The following DYNC1I1 variants were observed in gnomAD, a reference collection of about 807,000 sequenced individuals.
DYNC1I1 encodes the protein dynein cytoplasmic 1 intermediate chain 1.
A neutral mutation model predicts 86.6 loss-of-function variants in DYNC1I1; 43 were observed. The observed-to-expected ratio is 0.50, with a 90% CI of 0.39 to 0.64. The LOEUF is 0.64. Among genes scored for constraint, DYNC1I1 ranks in the 30% least tolerant of loss-of-function variants. The probability of loss-of-function intolerance (pLI) is 0.00; values close to 1 mark genes in which losing one functional copy is unlikely to be tolerated. For missense variants in DYNC1I1, 604 were observed against 788.8 expected, an observed-to-expected ratio of 0.77 and a Z score of 2.81; for synonymous variants, 262 against 283.7, an observed-to-expected ratio of 0.92 and a Z score of 0.77.
At chr7:95,910,368 T>C (rs1791300624) in intron 6 of DYNC1I1, among the ~76,000 whole-genome samples, 1 of 152,180 alleles carries the variant, frequency 6.6e-6, no homozygotes, top group South Asian at 2.1e-4. Flanking sequence ...ATTCAGGACT[T>C]CTGTGTCCAG....
downstream of DYNC1I1, among the ~76,000 whole-genome samples, chr7:96,102,361 C>T (rs1791148732): frequency 6.6e-6 from 1 of 152,034 alleles, no homozygotes. Context: ...TACCAGATGC[C>T]TTGGTAAGAT....
intron 14 of DYNC1I1, among the ~76,000 whole-genome samples, chr7:96,065,378 C>CTTTTTT (rs34423655): frequency 1.9e-4 from 24 of 127,574 alleles, no homozygotes; most frequent in African/African-American, 4.2e-4. Context: ...TTCTTTCTTT[C>CTTTTTT]TTTTTTTTTT....
chr7:95,961,662 G>A (rs1792872764), intron 6 of DYNC1I1, among the ~76,000 whole-genome samples: 1 of 152,174 alleles, frequency 6.6e-6, no homozygotes, highest in Non-Finnish European at 1.5e-5. Context: ...CAGGGACAGA[G>A]GATGAGGTTG....
intron 5 of DYNC1I1, among the ~76,000 whole-genome samples, chr7:95,862,896 C>T (rs925914163): frequency 2.6e-5 from 4 of 152,056 alleles, no homozygotes; most frequent in East Asian, 1.9e-4. Context: ...ATTAAAACAT[C>T]TCTGTATTAT....
At chr7:95,832,602 C>T (rs1397439141) in intron 5 of DYNC1I1, among the ~76,000 whole-genome samples, 1 of 152,066 alleles carries the variant, frequency 6.6e-6, no homozygotes, top group African/African-American at 2.4e-5. Flanking sequence ...AAAAGTATTC[C>T]TATTTCTCCA....
chr7:96,045,218 A>G (rs769961293), intron 14 of DYNC1I1, among the ~76,000 whole-genome samples: 4 of 152,236 alleles, frequency 2.6e-5, no homozygotes, highest in Non-Finnish European at 5.9e-5. Context: ...GTAACATAAG[A>G]TATTACTGTT....
intron 16 of DYNC1I1, among the ~76,000 whole-genome samples, chr7:96,104,542 T>G (rs1791186573): frequency 6.6e-6 from 1 of 152,152 alleles, no homozygotes; most frequent in South Asian, 2.1e-4. Flanking sequence ...TTAATTTTTG[T>G]GTATGGAATG....
At position 96,028,281 on chromosome 7, in the gene DYNC1I1, C is replaced by T. The variant is rs372905393; in HGVS notation, c.1076C>T (p.Thr359Ile). The T allele has an allele frequency of 1.2e-4, 201 of 1,613,696 alleles. No homozygotes were observed. Among genetic ancestry groups the T allele is most frequent in the Non-Finnish European group, 1.6e-4 (193 of 1,179,800 alleles). Reference sequence around the variant, plus strand: ...TGGGACAATCGCAGTCATCGAAGGACTCCAGTGCAGCGGACACCCTTATCA... The same window carrying T: ...TGGGACAATCGCAGTCATCGAAGGATTCCAGTGCAGCGGACACCCTTATCA... The part of the protein sequence containing the change: ...VLWDNRSHRR[T>I]PVQRTPLSAA... Residue 359 changes from threonine to isoleucine, a missense_variant, in exon 11 of 17, where the codon ACT becomes ATT. Thr to Ile is a moderately conservative substitution (Grantham distance 89, BLOSUM62 -1). Coordinates refer to ENST00000447467, the MANE Select transcript of DYNC1I1 (RefSeq NM_001135556.2).
rs569734923 is a variant in DYNC1I1, at chr7:95,889,055, A to G, written c.490+19057A>G. 5.9e-5 allele frequency among the ~76,000 whole-genome samples: 9 copies of G among 152,296 alleles called. No individual in the cohort carries two copies. The South Asian group carries it at 1.9e-3, about 32-fold the overall frequency. The stretch of plus-strand genomic sequence containing the variant: ...GGGTTTGACCTGAATAAATTGAAAT[A>G]GAACATGGGAGATATTACCTAGTGA... On this transcript the variant is annotated intron_variant, in intron 6 of 16. Coordinates refer to ENST00000447467, the MANE Select transcript of DYNC1I1 (RefSeq NM_001135556.2).
intron 5 of DYNC1I1, among the ~76,000 whole-genome samples, chr7:95,852,732 C>T (rs539405583): frequency 6.6e-6 from 1 of 152,146 alleles, no homozygotes; most frequent in East Asian, 1.9e-4. Flanking sequence ...TCTTGAACTC[C>T]TGACCTCAGG....
intron 13 of DYNC1I1, among the ~76,000 whole-genome samples, chr7:96,037,376 C>T (rs747227306): frequency 2.0e-5 from 3 of 152,170 alleles, no homozygotes; most frequent in Non-Finnish European, 4.4e-5. Flanking sequence ...GGCCTGCAGA[C>T]GTCATGTAAA....
chr7:95,940,115 A>C (rs369912418), intron 6 of DYNC1I1, among the ~76,000 whole-genome samples: 1 of 151,566 alleles, frequency 6.6e-6, no homozygotes, highest in Non-Finnish European at 1.5e-5. Context: ...TAAGAATGTT[A>C]AATATTGGCC....
intron 13 of DYNC1I1, among the ~76,000 whole-genome samples, chr7:96,038,533 A>T (rs1788939280): frequency 1.3e-5 from 2 of 152,220 alleles, no homozygotes; most frequent in Non-Finnish European, 2.9e-5. Flanking sequence ...GGACTGAGAC[A>T]TAAGTTTGTC....
At chr7:95,920,939 A>C (rs1337108615) in intron 6 of DYNC1I1, among the ~76,000 whole-genome samples, 1 of 152,166 alleles carries the variant, frequency 6.6e-6, no homozygotes, top group Admixed American at 6.5e-5. Flanking sequence ...CTATCCTTGG[A>C]GGAGGATTCT....
intron 6 of DYNC1I1, among the ~76,000 whole-genome samples, chr7:95,948,463 C>T (rs1220525784): frequency 1.3e-5 from 2 of 152,102 alleles, no homozygotes; most frequent in Non-Finnish European, 2.9e-5. Context: ...ATTGAGGTCC[C>T]AAGAACACAT....
At chr7:96,056,463 A>T (rs559688653) in intron 14 of DYNC1I1, among the ~76,000 whole-genome samples, 19 of 152,256 alleles carry the variant, frequency 1.2e-4, no homozygotes, top group Non-Finnish European at 2.4e-4. Context: ...GCAGAGAAAG[A>T]CTATATCTTC....
At chr7:96,091,479 T>C (rs1314171238) in intron 16 of DYNC1I1, among the ~76,000 whole-genome samples, 3 of 152,188 alleles carry the variant, frequency 2.0e-5, no homozygotes, top group African/African-American at 7.2e-5. Context: ...CCTACTCACT[T>C]AATGTCTTGG....
intron 6 of DYNC1I1, among the ~76,000 whole-genome samples, chr7:95,963,949 A>G (rs992439287): frequency 1.3e-5 from 2 of 152,206 alleles, no homozygotes; most frequent in African/African-American, 4.8e-5. Flanking sequence ...TAAGACTCTC[A>G]AACTACTAGC....
At chr7:96,090,378 A>G (rs952520327) in intron 16 of DYNC1I1, among the ~76,000 whole-genome samples, 2 of 152,120 alleles carry the variant, frequency 1.3e-5, no homozygotes, top group Non-Finnish European at 2.9e-5. Flanking sequence ...GTTTAAGGAG[A>G]AGGATATATA....
Sources: allele counts gnomAD v4.1 joint callset (sites outside exome capture counted in the v4.1 genomes callset), GRCh38; gene constraint gnomAD v4.1.1; transcripts MANE v1.5; gene names NCBI Gene and HGNC (gene_info 2026-07-23, HGNC 2026-07-21).